The following KCNH2 variants were observed in gnomAD, a reference collection of about 807,000 sequenced individuals.
KCNH2 encodes the protein voltage-gated inwardly rectifying potassium channel KCNH2.
In KCNH2, 35 loss-of-function variants were observed where a neutral mutation model predicts 95.9. That is an observed-to-expected ratio of 0.37 (90% CI 0.28 to 0.48). The LOEUF (loss-of-function observed/expected upper bound fraction) is 0.48. Ranked by LOEUF, KCNH2 falls within the 20% of genes least tolerant of loss-of-function variation. The pLI is 0.99. For missense variants in KCNH2, 1,274 were observed against 1,702.9 expected (o/e 0.75, Z 4.43); for synonymous variants, 786 against 754.7 (o/e 1.04, Z -0.68).
intron 4 of KCNH2, 52 bp from the exon 5 acceptor site, chr7:150,957,554 G>C (rs530299159): frequency 1.0e-5 from 14 of 1,390,180 alleles, no homozygotes; most frequent in African/African-American, 1.4e-5. Flanking sequence ...CCCAGGCCAG[G>C]CAGGCCACCC....
chr7:150,952,519 C>A lies in KCNH2; in HGVS notation c.1463G>T (p.Arg488Leu). Reference sequence around the variant, plus strand: ...GCCCTTGAAGTAGTGGACGGCGATGCGGCCGGGGTGGCTGACCACCTCCTC... The same window carrying A: ...GCCCTTGAAGTAGTGGACGGCGATGAGGCCGGGGTGGCTGACCACCTCCTC... Reference protein sequence around the residue: ...ANEEVVSHPGRIAVHYFKGWF... With the variant: ...ANEEVVSHPGLIAVHYFKGWF... Residue 488 changes from arginine (R) to leucine (L), a missense_variant, in exon 6 of 15, where the codon CGC becomes CTC. Around this residue, in one of 7 missense-constraint regions of KCNH2, gnomAD observed 147 missense variants for 344.4 expected, o/e 0.43. Coordinates refer to ENST00000262186, the MANE Select transcript of KCNH2 (RefSeq NM_000238.4). The surrounding 1 kb of genome is among the most constrained non-coding windows in gnomAD (Gnocchi z 7.3). 2.5e-6 allele frequency: 4 copies of A among 1,614,152 alleles called. No homozygotes were observed. The South Asian group carries it at 4.4e-5, about 18-fold the overall frequency.
chr7:150,947,488 A>C lies in KCNH2; in HGVS notation c.2992T>G (p.Phe998Val). 6.3e-7 allele frequency: 1 copy of C among 1,585,918 alleles called. No homozygotes were observed. Among genetic ancestry groups the C allele is most frequent in the Non-Finnish European group, 8.6e-7 (1 of 1,167,156 alleles). ...CCCCGACTGTCCCCCCAGAAGCTGAAAATGTTGGACACTCCTGAGAAGGCG... is the reference window on the plus strand; with the variant it reads ...CCCCGACTGTCCCCCCAGAAGCTGACAATGTTGGACACTCCTGAGAAGGCG... ...SGAFSGVSNIFSFWGDSRGRQ... is the reference protein window; with the variant it reads ...SGAFSGVSNIVSFWGDSRGRQ... The change falls in exon 13 of 15, where the codon TTC becomes GTC. Residue 998 changes from phenylalanine to valine, a missense_variant. Coordinates refer to ENST00000262186, the MANE Select transcript of KCNH2 (RefSeq NM_000238.4).
At position 150,946,894 on chromosome 7, in the gene KCNH2, A is replaced by G; in HGVS notation, c.3313T>C (p.Leu1105=). ...GAGCTTACCTGAGAAAGCGAGTCCA[A>G]GGTGAGGGTGGGGAGGGGGCTGACG... ...LPVSPLPTLT[L]DSLSQVSQFM... The change falls in exon 14 of 15, where the codon TTG becomes CTG. Residue 1105 remains leucine, a synonymous_variant. Transcript: ENST00000262186. The surrounding 1 kb of genome is among the most constrained non-coding windows in gnomAD (Gnocchi z 6.5). 6.3e-7 allele frequency: 1 copy of G among 1,596,346 alleles called. No individual in the cohort carries two copies. The highest frequency in any genetic ancestry group is 8.6e-7 in the Non-Finnish European group (1 of 1,168,392).
chr7:150,973,662 G>A (rs1029561885), intron 2 of KCNH2, among the ~76,000 whole-genome samples: 1 of 152,232 alleles, frequency 6.6e-6, no homozygotes, highest in Non-Finnish European at 1.5e-5. Context: ...ACAGCCTGGA[G>A]GATGCAAAGC....
At chr7:150,957,814 G>A (rs553298174) in intron 4 of KCNH2, among the ~76,000 whole-genome samples, 4 of 152,250 alleles carry the variant, frequency 2.6e-5, no homozygotes, top group Non-Finnish European at 5.9e-5. Flanking sequence ...GCTCCAGGCC[G>A]TCCCGGGACA....
In KCNH2 at chr7:150,948,463, G is replaced by A. The variant is rs776954605; in HGVS notation, c.2673C>T (p.Phe891=). The A allele has an allele frequency of 3.1e-6, 5 of 1,610,146 alleles. No homozygotes were observed. The highest frequency in any genetic ancestry group is 4.2e-6 in the Non-Finnish European group (5 of 1,179,626). Residue 891 remains phenylalanine (F), a synonymous_variant, in exon 11 of 15, where the codon TTC becomes TTT. Transcript: ENST00000262186. ...FSRQRKRKLS[F]RRRTDKDTEQ... is the part of the protein sequence containing the mutation. ...CCTCACCCTTGTCCGTGCGCCTGCG[G>A]AAGGACAACTTGCGCTTGCGTTGCC...
chr7:150,959,487 G>A (rs1387720172), intron 3 of KCNH2, 85 bp downstream of exon 3: 11 of 1,499,588 alleles, frequency 7.3e-6, no homozygotes, highest in African/African-American at 1.4e-5. Context: ...CTCCCTTCCT[G>A]CAGAGCGTTG....
Position 150,961,140 on chromosome 7 carries a change from C to T in KCNH2, c.308-1404G>A, listed in dbSNP as rs969476911. 6.6e-6 allele frequency among the ~76,000 whole-genome samples: 1 copy of T among 152,174 alleles called. No individual in the cohort carries two copies. Among genetic ancestry groups the T allele is most frequent in the African/African-American group, 2.4e-5 (1 of 41,426 alleles). ...TGCCTCCCAGTGTCTCCCGTCCCCA[C>T]GTTAGTGCCTAGCACCTAGAGTCAT... On this transcript the variant is annotated intron_variant, in intron 2 of 14. Coordinates refer to ENST00000262186, the MANE Select transcript of KCNH2 (RefSeq NM_000238.4). The surrounding 1 kb of genome is among the most constrained non-coding windows in gnomAD (Gnocchi z 6.2).
At chr7:150,950,008 G>A (rs1400648054) in intron 9 of KCNH2, 160 bp downstream of exon 9, 4 of 1,566,418 alleles carry the variant, frequency 2.6e-6, no homozygotes, top group East Asian at 4.8e-5. Context: ...CCTCTCCATG[G>A]CCCCGCTTGG....
At chr7:150,974,684 C>T in intron 2 of KCNH2, 27 bp downstream of exon 2, 1 of 1,225,170 alleles carries the variant, frequency 8.2e-7, no homozygotes, top group South Asian at 1.2e-5. Context: ...CGCCCCTGGT[C>T]GTGGCCCCGC....
chr7:150,947,187 GC>G (rs1800928079), intron 13 of KCNH2, 133 bp from the exon 14 acceptor site: 1 of 1,099,128 alleles, frequency 9.1e-7, no homozygotes, highest in Non-Finnish European at 1.3e-6. Context: ...AGGTGTGGCA[GC>G]CCCCAGCTGG....
intron 5 of KCNH2, chr7:150,955,372 G>T: frequency 1.9e-6 from 3 of 1,549,822 alleles, no homozygotes; most frequent in Non-Finnish European, 2.6e-6. Context: ...CCAGAAAGAA[G>T]AGGAAGGACC....
chr7:150,969,450 G>A (rs967471642), intron 2 of KCNH2, among the ~76,000 whole-genome samples: 14 of 93,448 alleles, frequency 1.5e-4, no homozygotes, highest in South Asian at 3.7e-4. Context: ...CATCCTCCTC[G>A]GTCCACCTCT....
At chr7:150,965,064 G>A (rs539408368) in intron 2 of KCNH2, among the ~76,000 whole-genome samples, 1 of 151,650 alleles carries the variant, frequency 6.6e-6, no homozygotes, top group East Asian at 1.9e-4. Flanking sequence ...GTGTGTGTGT[G>A]CGCGCGTGTG....
In KCNH2 at chr7:150,945,971, G is replaced by T. The variant is rs1039854571; in HGVS notation, c.3331-457C>A. Among the ~76,000 whole-genome samples the T allele has an allele frequency of 1.3e-5, 2 of 152,190 alleles. No individual in the cohort carries two copies. The highest frequency in any genetic ancestry group is 6.5e-5 in the Admixed American group (1 of 15,290). On this transcript the variant is annotated intron_variant, in intron 14 of 14. Coordinates refer to ENST00000262186, the MANE Select transcript of KCNH2 (RefSeq NM_000238.4). This position sits in a 1 kb window ranked among gnomAD's most constrained non-coding sequence, Gnocchi z 5.6. The stretch of plus-strand genomic sequence containing the variant: ...CGGCCAGGCATCTGAAGGCCAGGGA[G>T]AGGGCCGGGGCAGGCGGGAGGGGTT...
intron 1 of KCNH2, 50 bp from the exon 2 acceptor site, chr7:150,974,991 G>A: frequency 6.8e-7 from 1 of 1,475,998 alleles, no homozygotes; most frequent in African/African-American, 1.4e-5. Flanking sequence ...CCAGCCTCCG[G>A]GACTCCCAGC....
chr7:150,968,807 T>C (rs1208680261), intron 2 of KCNH2, among the ~76,000 whole-genome samples: 3 of 152,016 alleles, frequency 2.0e-5, no homozygotes, highest in African/African-American at 7.2e-5. Context: ...GGGTGCACCA[T>C]AGGAGCAGGG....
chr7:150,948,980 C>A lies in KCNH2; in HGVS notation c.2468G>T (p.Arg823Leu). 4 of 1,614,142 alleles carry A rather than the reference C, an allele frequency of 2.5e-6. No homozygotes were observed. The highest frequency in any genetic ancestry group is 3.4e-6 in the Non-Finnish European group (4 of 1,180,014). The part of the protein sequence containing the change: ...ARPGKSNGDV[R>L]ALTYCDLHKI... Reference sequence around the variant, plus strand: ...GTGTAGGTCACAGTAGGTGAGGGCCCGCACATCCCCGTTCGACTTGCCAGG... The same window carrying A: ...GTGTAGGTCACAGTAGGTGAGGGCCAGCACATCCCCGTTCGACTTGCCAGG... The change falls in exon 10 of 15, where the codon CGG becomes CTG. Residue 823 changes from arginine to leucine, a missense_variant. Arg to Leu is a moderately radical substitution (Grantham distance 102). Coordinates refer to ENST00000262186, the MANE Select transcript of KCNH2 (RefSeq NM_000238.4).
intron 3 of KCNH2, 62 bp downstream of exon 3, chr7:150,959,510 T>C: frequency 6.3e-7 from 1 of 1,590,772 alleles, no homozygotes; most frequent in South Asian, 1.1e-5. Flanking sequence ...CTTGGACAGC[T>C]CACAGCCCCA....
Sources: gnomAD v4.1 joint callset for allele counts (sites outside exome capture counted in the v4.1 genomes callset) on GRCh38, gnomAD v4.1.1 for gene constraint, gnomAD v4.1.1 regional missense constraint, Gnocchi (gnomAD v3.1) non-coding constraint, MANE v1.5 for transcripts, NCBI Gene and HGNC (gene_info 2026-07-23, HGNC 2026-07-21) for gene names.